KLHL8: variants seen among roughly 807,000 people sequenced by gnomAD.
The protein encoded by KLHL8 is kelch like family member 8.
Under a neutral mutation model 63.5 loss-of-function variants are expected in KLHL8, and 38 were observed. That is an observed-to-expected ratio of 0.60 (90% CI 0.46 to 0.78). The LOEUF (loss-of-function observed/expected upper bound fraction) is 0.78, where lower values mean the gene tolerates loss of function less well. Ranked by LOEUF, KLHL8 falls within the 30% of genes least tolerant of loss-of-function variation. KLHL8 has a pLI of 0.00. For synonymous variants in KLHL8, 224 were observed against 254.3 expected, an observed-to-expected ratio of 0.88 and a Z score of 1.13; for missense variants, 566 against 752.4, an observed-to-expected ratio of 0.75 and a Z score of 2.90.
chr4:87,239,567 G>A (rs1402442213), intron 1 of KLHL8, among the ~76,000 whole-genome samples: 1 of 152,156 alleles, frequency 6.6e-6, no homozygotes, highest in Non-Finnish European at 1.5e-5. Flanking sequence ...AGGTGATGAG[G>A]TGGATAAGGC....
intron 8 of KLHL8, among the ~76,000 whole-genome samples, chr4:87,165,199 C>T (rs950949192): frequency 1.4e-5 from 2 of 143,506 alleles, no homozygotes; most frequent in African/African-American, 5.2e-5. Context: ...TTCAAGTCAA[C>T]CTCTCTAATG....
intron 1 of KLHL8, among the ~76,000 whole-genome samples, chr4:87,216,930 A>G (rs1732618036): frequency 6.6e-6 from 1 of 152,220 alleles, no homozygotes; most frequent in Admixed American, 6.5e-5. Context: ...AGAAGTACGT[A>G]TTATTTTTAT....
chr4:87,184,662 G>A (rs1210265385), intron 3 of KLHL8, among the ~76,000 whole-genome samples: 5 of 151,894 alleles, frequency 3.3e-5, no homozygotes, highest in Non-Finnish European at 7.4e-5. Context: ...AGGAGAGGAA[G>A]ACGACAAAAG....
chr4:87,222,167 A>G (rs1236492972), upstream of KLHL8, among the ~76,000 whole-genome samples: 4 of 152,170 alleles, frequency 2.6e-5, no homozygotes, highest in Non-Finnish European at 4.4e-5. Flanking sequence ...TTTTTCATTT[A>G]CTTAACTCAT....
intron 1 of KLHL8, among the ~76,000 whole-genome samples, chr4:87,202,570 C>G (rs934012500): frequency 3.9e-5 from 6 of 152,184 alleles, no homozygotes; most frequent in African/African-American, 1.4e-4. Flanking sequence ...ATTCTACACA[C>G]ATAAATGTGA....
chr4:87,185,387 G>A lies in KLHL8; in HGVS notation c.629C>T (p.Pro210Leu), dbSNP rs368394185. 4.0e-5 allele frequency: 65 copies of A among 1,613,922 alleles called. No homozygotes were observed. The highest frequency in any genetic ancestry group is 5.0e-5 in the Admixed American group (3 of 59,990). ...VECEDFVSVS[P>L]QHLHKLLSSS... The stretch of plus-strand genomic sequence containing the variant: ...GGACAAAAGCTTATGGAGGTGCTGC[G>A]GTGATACACTTACAAAGTCTTCACA... The change falls in exon 3 of 10, where the codon CCG becomes CTG. Residue 210 changes from proline (P) to leucine (L), a missense_variant. Pro to Leu is a moderately conservative substitution (Grantham distance 98, BLOSUM62 -3). Transcript: ENST00000273963.
chr4:87,210,669 A>C (rs1057090048), intron 1 of KLHL8, among the ~76,000 whole-genome samples: 13 of 151,990 alleles, frequency 8.6e-5, no homozygotes, highest in African/African-American at 3.1e-4. Flanking sequence ...AAAATGGCAA[A>C]CCCCACCCCA....
chr4:87,164,815 G>A (rs1730310791), intron 8 of KLHL8, among the ~76,000 whole-genome samples: 3 of 152,068 alleles, frequency 2.0e-5, no homozygotes, highest in South Asian at 4.1e-4. Flanking sequence ...CTAATTTACT[G>A]AGAATAGAAA....
rs773007655 is a variant in KLHL8 at position 87,185,446 on chromosome 4, C to T, written c.570G>A (p.Gln190=). Residue 190 remains glutamine, a synonymous_variant, in exon 3 of 10, where the codon CAG becomes CAA. Coordinates refer to ENST00000273963, the MANE Select transcript of KLHL8 (RefSeq NM_020803.5). ...CTTCAGTAAAATGGTCACAGGCATA[C>T]TGATCCGCCATGTCCATTAAGTCTA... is the stretch of plus-strand genomic sequence containing the variant. ...NRIDLMDMAD[Q]YACDHFTEVV... is the part of the protein sequence containing the mutation. The T allele has an allele frequency of 6.2e-7, 1 of 1,614,198 alleles. No individual in the cohort carries two copies. The highest frequency in any genetic ancestry group is 8.5e-7 in the Non-Finnish European group (1 of 1,180,034).
chr4:87,221,533 AAG>A (rs1359653371), upstream of KLHL8: 1 of 152,118 alleles, frequency 6.6e-6, no homozygotes, highest in African/African-American at 2.4e-5. Context: ...TTTTTAAAGA[AAG>A]ATATTCCCCT....
At chr4:87,229,633 T>C (rs902865100) in intron 1 of KLHL8, among the ~76,000 whole-genome samples, 2 of 151,730 alleles carry the variant, frequency 1.3e-5, no homozygotes, top group Admixed American at 1.3e-4. Context: ...GGTTTCGCCA[T>C]GTTGGCCAGG....
chr4:87,181,563 T>C (rs891137811), intron 4 of KLHL8, among the ~76,000 whole-genome samples: 1 of 151,070 alleles, frequency 6.6e-6, no homozygotes, highest in African/African-American at 2.4e-5. Context: ...ATTTCATCTA[T>C]ATAGTTCACA....
intron 8 of KLHL8, among the ~76,000 whole-genome samples, chr4:87,164,655 G>A (rs554813240): frequency 1.2e-4 from 19 of 152,256 alleles, no homozygotes; most frequent in African/African-American, 4.6e-4. Flanking sequence ...GAAGATAGCA[G>A]TCCTTTCTAT....
chr4:87,234,409 G>C (rs1733191506), intron 1 of KLHL8, among the ~76,000 whole-genome samples: 2 of 149,740 alleles, frequency 1.3e-5, no homozygotes, highest in South Asian at 4.2e-4. Context: ...ACTGCACTCA[G>C]CCTGGCAACA....
At chr4:87,211,828 T>A (rs1014345945) in intron 1 of KLHL8, among the ~76,000 whole-genome samples, 3 of 152,130 alleles carry the variant, frequency 2.0e-5, no homozygotes, top group African/African-American at 7.2e-5. Flanking sequence ...AAAGACTGAT[T>A]AGAGAGGTCA....
At chr4:87,204,521 T>C (rs1414879076) in intron 1 of KLHL8, among the ~76,000 whole-genome samples, 5 of 152,220 alleles carry the variant, frequency 3.3e-5, no homozygotes, top group Non-Finnish European at 1.5e-5. Context: ...TGAAAACATA[T>C]AGCAGCTCTA....
chr4:87,210,057 C>G (rs974358952), intron 1 of KLHL8, among the ~76,000 whole-genome samples: 2 of 152,008 alleles, frequency 1.3e-5, no homozygotes, highest in Admixed American at 6.6e-5. Context: ...GGGGTTTTGC[C>G]ATGTTTCCCA....
chr4:87,216,671 T>C (rs893785192), intron 1 of KLHL8, among the ~76,000 whole-genome samples: 6 of 152,122 alleles, frequency 3.9e-5, no homozygotes, highest in Non-Finnish European at 5.9e-5. Flanking sequence ...TAATTCTCTC[T>C]CTGACTCATA....
At chr4:87,180,929 A>G (rs1394677976) in intron 4 of KLHL8, among the ~76,000 whole-genome samples, 2 of 152,064 alleles carry the variant, frequency 1.3e-5, no homozygotes, top group Non-Finnish European at 2.9e-5. Context: ...CCAGCTACTC[A>G]GGGGGCTGAG....
Sources: allele counts gnomAD v4.1 joint callset (sites outside exome capture counted in the v4.1 genomes callset), GRCh38; gene constraint gnomAD v4.1.1; transcripts MANE v1.5; gene names NCBI Gene and HGNC (gene_info 2026-07-23, HGNC 2026-07-21).